The following UGT1A10 variants were observed in gnomAD, a reference collection of about 807,000 sequenced individuals.
The protein encoded by UGT1A10 is UDP-glucuronosyltransferase 1A10.
UGT1A10 carries 49 observed loss-of-function variants against 45.8 expected under a neutral mutation model. The observed-to-expected ratio is 1.07, with a 90% CI of 0.85 to 1.36. The LOEUF is 1.36. Among genes scored for constraint, UGT1A10 ranks in the 40% most tolerant of loss-of-function variants. UGT1A10 has a pLI of 0.00. For synonymous variants in UGT1A10, 284 were observed against 249.7 expected (o/e 1.14, Z -1.29); for missense variants, 745 against 668.6 (o/e 1.11, Z -1.26).
At chr2:233,732,055 A>G (rs2078232493) in intron 1 of UGT1A10, among the ~76,000 whole-genome samples, 1 of 152,104 alleles carries the variant, frequency 6.6e-6, no homozygotes, top group African/African-American at 2.4e-5. Flanking sequence ...GCATTTATTC[A>G]TGTGTCTGTT....
At chr2:233,753,198 T>C (rs1454956854) in intron 1 of UGT1A10, 2 of 152,228 alleles carry the variant, frequency 1.3e-5, no homozygotes. Flanking sequence ...TCAAAAGCCC[T>C]GACAGTCTGT....
rs199541495 is a variant in UGT1A10 at position 233,713,270 on chromosome 2, G to A, written c.856-53764G>A. ...CCCAGGACGAATTTGATCGCCTTTT[G>A]CTGGGTCACACTCAATCGTTCTTTG... On this transcript the variant is annotated intron_variant, in intron 1 of 4. Coordinates refer to ENST00000344644, the MANE Select transcript of UGT1A10 (RefSeq NM_019075.4). 2.5e-6 allele frequency: 4 copies of A among 1,614,126 alleles called. No homozygotes were observed. In the African/African-American group the frequency reaches 5.3e-5, roughly 22 times the overall value.
rs1409384005 is a variant in UGT1A10 at position 233,735,868 on chromosome 2, C to T, written c.856-31166C>T. ...TCTCTTCTGTCTTGTAGGGTTTCTG[C>T]AGAGAGATCTGCTGTTAGTCTGATG... On this transcript the variant is annotated intron_variant, in intron 1 of 4. Transcript: ENST00000344644. Among the ~76,000 whole-genome samples, 5 of 152,262 alleles carry T rather than the reference C, an allele frequency of 3.3e-5. No homozygotes were observed. The East Asian group carries it at 7.7e-4, about 23-fold the overall frequency.
chr2:233,644,388 C>T (rs946200577), intron 1 of UGT1A10, among the ~76,000 whole-genome samples: 9 of 151,940 alleles, frequency 5.9e-5, no homozygotes, highest in East Asian at 1.9e-4. Context: ...GCCAACATGG[C>T]GAAACCCAAT....
intron 1 of UGT1A10, among the ~76,000 whole-genome samples, chr2:233,698,808 C>T (rs1044678643): frequency 1.3e-5 from 2 of 152,216 alleles, no homozygotes; most frequent in African/African-American, 4.8e-5. Flanking sequence ...CTCCCAGCCT[C>T]GCCTTGTGGA....
Position 233,729,231 on chromosome 2 carries a change from C to G in UGT1A10, c.856-37803C>G, listed in dbSNP as rs777258735. ...AGAGTGGAAAGGTGTTGGTGGTGCC[C>G]ATTGATGGCAGCCACTGGCTCAGCA... On this transcript the variant is annotated intron_variant, in intron 1 of 4. Transcript: ENST00000344644. The G allele has an allele frequency of 2.5e-6, 4 of 1,614,060 alleles. No homozygotes were observed. The African/African-American group carries it at 4.0e-5, about 16-fold the overall frequency.
At chr2:233,664,651 G>T (rs1230787828) in intron 1 of UGT1A10, among the ~76,000 whole-genome samples, 1 of 152,132 alleles carries the variant, frequency 6.6e-6, no homozygotes, top group African/African-American at 2.4e-5. Flanking sequence ...ACCATATCTT[G>T]TGAATACTCA....
At chr2:233,743,847 G>A (rs771949487) in intron 1 of UGT1A10, 44 of 1,367,104 alleles carry the variant, frequency 3.2e-5, no homozygotes, top group Non-Finnish European at 4.2e-5. Flanking sequence ...GCCAGCTTGC[G>A]GTACGCCTTC....
At chr2:233,732,043 G>A (rs879000369) in intron 1 of UGT1A10, among the ~76,000 whole-genome samples, 3 of 152,324 alleles carry the variant, frequency 2.0e-5, no homozygotes, top group African/African-American at 7.2e-5. Context: ...CAGTGATGAT[G>A]AGCATTTATT....
At chr2:233,750,055 CT>C (rs1365939187) in intron 1 of UGT1A10, among the ~76,000 whole-genome samples, 2 of 151,758 alleles carry the variant, frequency 1.3e-5, no homozygotes, top group Non-Finnish European at 2.9e-5. Context: ...GTGGAAGTGA[CT>C]TTGGAACTGG....
Position 233,667,904 on chromosome 2 carries a change from A to G in UGT1A10, c.855+30527A>G, listed in dbSNP as rs1016360298. Among the ~76,000 whole-genome samples, 9 of 152,238 alleles carry G rather than the reference A, an allele frequency of 5.9e-5. No individual in the cohort carries two copies. The East Asian group carries it at 1.5e-3, about 26-fold the overall frequency. On this transcript the variant is annotated intron_variant, in intron 1 of 4. Transcript: ENST00000344644. ...ACAACAGGTGCTGTAGAGGATGTGG[A>G]GAAATAGGAACACTTTTACACTGTT...
chr2:233,739,615 T>G (rs1449918072), intron 1 of UGT1A10, among the ~76,000 whole-genome samples: 1 of 152,228 alleles, frequency 6.6e-6, no homozygotes, highest in Non-Finnish European at 1.5e-5. Context: ...TTGGCCAGTT[T>G]CTCCCATTTG....
chr2:233,719,338 G>T (rs546499527), intron 1 of UGT1A10: 33 of 1,613,808 alleles, frequency 2.0e-5, no homozygotes, highest in South Asian at 1.1e-4. Flanking sequence ...GTGTTTTTTT[G>T]GAGGTACATT....
At chr2:233,746,742 CAAAGCAGAGATT>C (rs1462654911) in intron 1 of UGT1A10, among the ~76,000 whole-genome samples, 1 of 151,752 alleles carries the variant, frequency 6.6e-6, no homozygotes, top group East Asian at 1.9e-4. Context: ...GCTTTGGTTC[CAAAGCAGAGATT>C]AATTGGATTG....
intron 1 of UGT1A10, among the ~76,000 whole-genome samples, chr2:233,724,444 A>C (rs1289954419): frequency 6.8e-4 from 46 of 67,350 alleles, no homozygotes; most frequent in South Asian, 1.5e-3. Context: ...CTTCTCAGAC[A>C]GGGCAGCTGC....
intron 1 of UGT1A10, among the ~76,000 whole-genome samples, chr2:233,710,475 A>T (rs1055676950): frequency 6.6e-6 from 1 of 152,328 alleles, no homozygotes; most frequent in African/African-American, 2.4e-5. Context: ...TGTGTAGTAG[A>T]ATTTCATTGG....
At chr2:233,751,840 C>G (rs55891750) in intron 1 of UGT1A10, among the ~76,000 whole-genome samples, 1 of 152,044 alleles carries the variant, frequency 6.6e-6, no homozygotes, top group Non-Finnish European at 1.5e-5. Flanking sequence ...GGAACTGAGT[C>G]ATTTAAACCT....
chr2:233,767,950 A>T lies in UGT1A10; in HGVS notation c.1075+14A>T. The T allele has an allele frequency of 6.2e-7, 1 of 1,614,160 alleles. No homozygotes were observed. On this transcript the variant is annotated intron_variant, in intron 3 of 4. Transcript: ENST00000344644. ...ACGATCTGCTTGGTATGTTGGGCGG[A>T]TTGGATGTATAGGTCAAACCAGGGT... is the stretch of plus-strand genomic sequence containing the variant.
intron 1 of UGT1A10, among the ~76,000 whole-genome samples, chr2:233,748,366 G>A (rs1693927110): frequency 1.3e-5 from 2 of 151,774 alleles, no homozygotes; most frequent in Admixed American, 1.3e-4. Context: ...CCATCTTCAT[G>A]GTTGTGCATG....
Sources: allele counts gnomAD v4.1 joint callset (sites outside exome capture counted in the v4.1 genomes callset), GRCh38; gene constraint gnomAD v4.1.1; transcripts MANE v1.5; gene names NCBI Gene and HGNC (gene_info 2026-07-23, HGNC 2026-07-21).